Variants in CKAP5 observed in about 807,000 individuals in gnomAD.
CKAP5 encodes cytoskeleton-associated protein 5.
In CKAP5, 27 loss-of-function variants were observed where a neutral mutation model predicts 232.8. That is an observed-to-expected ratio of 0.12 (90% CI 0.09 to 0.16). The LOEUF (loss-of-function observed/expected upper bound fraction) is 0.16, where lower values mean the gene tolerates loss of function less well. Among genes scored for constraint, CKAP5 ranks in the 10% least tolerant of loss-of-function variants. The pLI, the probability that CKAP5 is intolerant of heterozygous loss-of-function variation, is 1.00. For missense variants in CKAP5, 1,838 were observed against 2,424.7 expected (o/e 0.76, Z 5.08); for synonymous variants, 785 against 841.1 (o/e 0.93, Z 1.16).
chr11:46,783,988 G>C (rs571116403), intron 17 of CKAP5, among the ~76,000 whole-genome samples: 2 of 151,942 alleles, frequency 1.3e-5, no homozygotes, highest in Admixed American at 6.6e-5. Context: ...TTGCAGGTGT[G>C]AGCCTCTGTG....
At chr11:46,754,736 T>C (rs1277433694) in intron 36 of CKAP5, 152 bp downstream of exon 36, 1 of 570,272 alleles carries the variant, frequency 1.8e-6, no homozygotes, top group East Asian at 3.1e-5. Flanking sequence ...AAACATCCAA[T>C]GGAAGCCATC....
At chr11:46,752,765 G>A (rs1262731602) in intron 37 of CKAP5, 55 bp from the exon 38 acceptor site, 1 of 1,393,932 alleles carries the variant, frequency 7.2e-7, no homozygotes, top group African/African-American at 1.4e-5. Flanking sequence ...ATTCCAATTA[G>A]AATCAGCAGT....
intron 14 of CKAP5, 90 bp downstream of exon 14, chr11:46,790,380 C>G (rs930358859): frequency 1.2e-5 from 12 of 982,872 alleles, no homozygotes; most frequent in African/African-American, 8.2e-5. Context: ...ATTAACTGTA[C>G]GTTGTAGAAC....
intron 26 of CKAP5, among the ~76,000 whole-genome samples, 192 bp downstream of exon 26, chr11:46,769,771 G>A (rs941053761): frequency 2.0e-5 from 3 of 152,068 alleles, no homozygotes; most frequent in Non-Finnish European, 2.9e-5. Context: ...TGTACCCTTA[G>A]TACAGTTCCT....
intron 2 of CKAP5, among the ~76,000 whole-genome samples, chr11:46,819,771 G>C (rs1176474237): frequency 6.6e-6 from 1 of 152,068 alleles, no homozygotes; most frequent in Non-Finnish European, 1.5e-5. Context: ...CCCACTATAA[G>C]ATGCATTCAT....
At chr11:46,785,108 A>T (rs2065379685) in intron 16 of CKAP5, among the ~76,000 whole-genome samples, 1 of 152,222 alleles carries the variant, frequency 6.6e-6, no homozygotes, top group African/African-American at 2.4e-5. Flanking sequence ...TGCAACACAG[A>T]ACTTCAGAGA....
Position 46,778,230 on chromosome 11 carries a change from C to T in CKAP5, c.2657G>A (p.Gly886Asp), listed in dbSNP as rs141712160. Residue 886 changes from glycine to aspartate, a missense_variant, in exon 22 of 44, where the codon GGT becomes GAT. Physicochemically the swap from Gly to Asp is moderately conservative, Grantham distance 94. Transcript: ENST00000529230. ...IRKEGLDEVA[G>D]IINDAKFIQP... ...GATAAATTTTGCGTCATTAATAATACCTGCCACTTCATCTAGGCCTTCTTT... is the reference window on the plus strand; with the variant it reads ...GATAAATTTTGCGTCATTAATAATATCTGCCACTTCATCTAGGCCTTCTTT... 27 of 1,613,672 alleles carry T rather than the reference C, an allele frequency of 1.7e-5. No homozygotes were observed. The highest frequency in any genetic ancestry group is 2.1e-5 in the Non-Finnish European group (25 of 1,179,760).
intron 29 of CKAP5, 89 bp from the exon 30 acceptor site, chr11:46,763,268 G>T: frequency 8.5e-7 from 1 of 1,173,624 alleles, no homozygotes; most frequent in Non-Finnish European, 1.2e-6. Context: ...TTTTATTGGA[G>T]CCCAAAAAGA....
chr11:46,772,733 CT>C (rs139098308), intron 24 of CKAP5, among the ~76,000 whole-genome samples: 81 of 145,400 alleles, frequency 5.6e-4, no homozygotes, highest in Middle Eastern at 3.5e-3. Context: ...AGTGATTCCT[CT>C]TTTTTTTTTT....
At chr11:46,789,346 G>T (rs1177603388) in intron 15 of CKAP5, among the ~76,000 whole-genome samples, 1 of 152,154 alleles carries the variant, frequency 6.6e-6, no homozygotes, top group African/African-American at 2.4e-5. Flanking sequence ...TACAACACAG[G>T]TTTTTGAGAG....
At chr11:46,803,781 A>T (rs1939091274) in intron 8 of CKAP5, among the ~76,000 whole-genome samples, 2 of 152,128 alleles carry the variant, frequency 1.3e-5, no homozygotes, top group African/African-American at 4.8e-5. Context: ...TTAAATCTCT[A>T]ATTACTGTAA....
At chr11:46,767,853 C>A (rs1422062414) in intron 26 of CKAP5, among the ~76,000 whole-genome samples, 190 bp from the exon 27 acceptor site, 1 of 151,964 alleles carries the variant, frequency 6.6e-6, no homozygotes, top group Admixed American at 6.6e-5. Flanking sequence ...TACAGTGGTG[C>A]CTTCACGGTG....
rs1220544927 is a variant in CKAP5 at position 46,818,476 on chromosome 11, C to T, written c.85G>A (p.Glu29Lys). 1 of 1,597,626 alleles carries T rather than the reference C, an allele frequency of 6.3e-7. No individual in the cohort carries two copies. Among genetic ancestry groups the T allele is most frequent in the Non-Finnish European group, 8.5e-7 (1 of 1,175,036 alleles). ...TTCTGGAAGATCTTCAGGGCCTCTT[C>T]ATACCCACTTAACCTTGCTTTCCAC... ...KLWKARLSGY[E>K]EALKIFQKIK... The change falls in exon 3 of 44, where the codon GAA (glutamate) becomes AAA (lysine). Residue 29 changes from glutamate (E) to lysine (K), a missense_variant. Transcript: ENST00000529230.
At chr11:46,753,538 T>C (rs1219255009) in intron 36 of CKAP5, 41 bp from the exon 37 acceptor site, 1 of 1,422,588 alleles carries the variant, frequency 7.0e-7, no homozygotes. Context: ...TAAAACTCAA[T>C]ATAGAGAGTA....
At chr11:46,798,501 A>G (rs987011367) in intron 9 of CKAP5, among the ~76,000 whole-genome samples, 6 of 150,920 alleles carry the variant, frequency 4.0e-5, no homozygotes, top group Non-Finnish European at 8.9e-5. Context: ...GATTACTTGA[A>G]CCCAGGAGGT....
At chr11:46,821,057 A>G in intron 2 of CKAP5, 118 bp downstream of exon 2, 1 of 598,392 alleles carries the variant, frequency 1.7e-6, no homozygotes, top group Non-Finnish European at 2.8e-6. Flanking sequence ...CATATCTAAC[A>G]AGGCATCAGT....
intron 1 of CKAP5, among the ~76,000 whole-genome samples, chr11:46,829,837 TATGTG>T (rs1565757052): frequency 3.4e-4 from 29 of 84,740 alleles, no homozygotes; most frequent in Middle Eastern, 0.011. Flanking sequence ...TCCTTTTTTG[TATGTG>T]TGTGTGTGTG....
intron 1 of CKAP5, among the ~76,000 whole-genome samples, chr11:46,830,141 G>A (rs1939747233): frequency 6.6e-6 from 1 of 151,924 alleles, no homozygotes; most frequent in African/African-American, 2.4e-5. Flanking sequence ...AGGGATCAGA[G>A]AAAGATTAGA....
intron 26 of CKAP5, 68 bp from the exon 27 acceptor site, chr11:46,767,731 A>C (rs934807810): frequency 3.3e-5 from 30 of 914,072 alleles, no homozygotes; most frequent in Non-Finnish European, 4.5e-5. Flanking sequence ...GACAGGTTAA[A>C]TATATAATGA....
Sources: allele counts gnomAD v4.1 joint callset (sites outside exome capture counted in the v4.1 genomes callset), GRCh38; gene constraint gnomAD v4.1.1; transcripts MANE v1.5; gene names NCBI Gene and HGNC (gene_info 2026-07-23, HGNC 2026-07-21).